CDS1: variants seen among roughly 807,000 people sequenced by gnomAD.
The protein encoded by CDS1 is phosphatidate cytidylyltransferase 1.
CDS1 carries 41 observed loss-of-function variants against 62.1 expected under a neutral mutation model. The ratio of observed to expected loss-of-function variants is 0.66; its 90% CI spans 0.51 to 0.86. The LOEUF is 0.86. Ranked by LOEUF, CDS1 falls within the 40% of genes least tolerant of loss-of-function variation. The probability of loss-of-function intolerance (pLI) is 0.00; values close to 1 mark genes in which losing one functional copy is unlikely to be tolerated. For synonymous variants in CDS1, 185 were observed against 192.6 expected, an observed-to-expected ratio of 0.96 and a Z score of 0.32; for missense variants, 470 against 550.1, an observed-to-expected ratio of 0.85 and a Z score of 1.46.
Position 84,635,239 on chromosome 4 carries a change from CTTTT to C in CDS1, c.723-12_723-9del. On this transcript the variant is annotated intron_variant, in intron 7 of 12. Coordinates refer to ENST00000295887, the MANE Select transcript of CDS1 (RefSeq NM_001263.4). ...ACTCAGGTGAACTTTTTTCTGCTGA[CTTTT>C]TTTTTTTTTTTTAAAAACAGGTTCC... 18 of 1,034,974 alleles carry C rather than the reference CTTTT, an allele frequency of 1.7e-5. No individual in the cohort carries two copies. Among genetic ancestry groups the C allele is most frequent in the Non-Finnish European group, 2.4e-5 (17 of 713,940 alleles). 64.1% of individuals were successfully genotyped at this position (1,034,974 alleles called of 1,614,324 possible). A position where few individuals can be genotyped will look rare whatever the true frequency, so the allele number is the denominator to read the frequency against.
chr4:84,606,057 T>C (rs2110048545), intron 2 of CDS1, among the ~76,000 whole-genome samples: 1 of 152,300 alleles, frequency 6.6e-6, no homozygotes, highest in African/African-American at 2.4e-5. Context: ...CTCGAGAAAC[T>C]TTTCTACAAA....
intron 3 of CDS1, among the ~76,000 whole-genome samples, chr4:84,614,417 A>C (rs1012669346): frequency 6.6e-6 from 1 of 152,198 alleles, no homozygotes; most frequent in Admixed American, 6.5e-5. Flanking sequence ...AAGTTATTCA[A>C]ATCATTGTGT....
intron 7 of CDS1, among the ~76,000 whole-genome samples, chr4:84,634,316 C>T (rs764606984): frequency 6.6e-6 from 1 of 152,070 alleles, no homozygotes; most frequent in African/African-American, 2.4e-5. Flanking sequence ...CTAGTAACTA[C>T]TGTGAAGAAA....
chr4:84,625,239 G>T (rs1723819982), intron 5 of CDS1, among the ~76,000 whole-genome samples: 1 of 152,080 alleles, frequency 6.6e-6, no homozygotes, highest in African/African-American at 2.4e-5. Context: ...TACACTCTTA[G>T]AATCACAGAA....
At chr4:84,646,108 GAAAA>G (rs1465204721) in intron 12 of CDS1, among the ~76,000 whole-genome samples, 3 of 152,276 alleles carry the variant, frequency 2.0e-5, no homozygotes, top group Admixed American at 1.3e-4. Flanking sequence ...CTGAGCTGTA[GAAAA>G]CATGGATTTC....
chr4:84,641,307 C>T (rs983845169), intron 10 of CDS1, among the ~76,000 whole-genome samples: 1 of 152,158 alleles, frequency 6.6e-6, no homozygotes, highest in African/African-American at 2.4e-5. Context: ...CTCAAGTGAT[C>T]CGCCTGCTTC....
intron 1 of CDS1, among the ~76,000 whole-genome samples, chr4:84,601,806 G>A (rs944106601): frequency 3.9e-5 from 6 of 152,100 alleles, no homozygotes; most frequent in Admixed American, 3.3e-4. Flanking sequence ...CCAGCAACAC[G>A]GGAGGCTGAG....
At chr4:84,642,492 C>G (rs763195011) in intron 10 of CDS1, among the ~76,000 whole-genome samples, 3 of 152,122 alleles carry the variant, frequency 2.0e-5, no homozygotes, top group Non-Finnish European at 4.4e-5. Context: ...TTATGATTGT[C>G]TCCCCAAATC....
At chr4:84,585,076 TA>T (rs1210882179) in intron 1 of CDS1, among the ~76,000 whole-genome samples, 1 of 152,246 alleles carries the variant, frequency 6.6e-6, no homozygotes, top group Non-Finnish European at 1.5e-5. Flanking sequence ...AAGCCATGCA[TA>T]AAATACCTTC....
At chr4:84,637,496 C>G (rs72662993) in intron 8 of CDS1, among the ~76,000 whole-genome samples, 25,366 of 151,994 alleles carry the variant, frequency 0.17, 2,451 homozygotes, top group South Asian at 0.36. Context: ...AACCAGATAT[C>G]ATGAGAACTC....
chr4:84,636,434 T>C (rs960768473), intron 8 of CDS1, among the ~76,000 whole-genome samples: 1 of 152,196 alleles, frequency 6.6e-6, no homozygotes, highest in African/African-American at 2.4e-5. Flanking sequence ...ATAGTTCTCA[T>C]TTGGGAGAAG....
chr4:84,629,034 C>G (rs188301375), intron 5 of CDS1, among the ~76,000 whole-genome samples: 64 of 152,128 alleles, frequency 4.2e-4, no homozygotes, highest in Non-Finnish European at 6.3e-4. Flanking sequence ...CTTTTCAGTA[C>G]TTTTATTTAT....
chr4:84,594,310 C>G (rs763365793), intron 1 of CDS1, among the ~76,000 whole-genome samples: 4 of 152,076 alleles, frequency 2.6e-5, no homozygotes, highest in Non-Finnish European at 4.4e-5. Context: ...CACGCAAGTT[C>G]TGGGAGGGTA....
chr4:84,609,398 G>A (rs371602581), intron 2 of CDS1, 31 bp from the exon 3 acceptor site: 32 of 1,397,452 alleles, frequency 2.3e-5, no homozygotes, highest in Non-Finnish European at 2.9e-5. Context: ...TTAAGAACAC[G>A]TTAAATACTA....
intron 1 of CDS1, among the ~76,000 whole-genome samples, chr4:84,586,206 G>A (rs1181800552): frequency 1.3e-5 from 2 of 152,168 alleles, no homozygotes; most frequent in Non-Finnish European, 2.9e-5. Context: ...CAGTTTTGTG[G>A]AAGACACTTT....
chr4:84,634,472 T>A (rs1724115931), intron 7 of CDS1, among the ~76,000 whole-genome samples: 2 of 152,110 alleles, frequency 1.3e-5, no homozygotes, highest in Non-Finnish European at 2.9e-5. Context: ...TTATAAAACT[T>A]ATTACTTAAA....
At chr4:84,607,189 G>C (rs1442445501) in intron 2 of CDS1, among the ~76,000 whole-genome samples, 2 of 152,148 alleles carry the variant, frequency 1.3e-5, no homozygotes, top group African/African-American at 4.8e-5. Context: ...TTTAGATCCT[G>C]TGTGTAGAAA....
intron 12 of CDS1, among the ~76,000 whole-genome samples, chr4:84,647,057 A>T (rs1242746190): frequency 1.3e-5 from 2 of 152,116 alleles, no homozygotes; most frequent in Non-Finnish European, 2.9e-5. Context: ...ACTGTGTTGA[A>T]TATTAAAATA....
Position 84,596,302 on chromosome 4 carries a change from C to G in CDS1, c.118-7941C>G, listed in dbSNP as rs958754148. On this transcript the variant is annotated intron_variant, in intron 1 of 12. Transcript: ENST00000295887. ...AGTGTCTTAAAATAATATAAACTTA[C>G]CTTACAGTTCTGGAGCTCAGAAGTC... is the stretch of plus-strand genomic sequence containing the variant. Among the ~76,000 whole-genome samples, 28 of 152,176 alleles carry G rather than the reference C, an allele frequency of 1.8e-4. 1 individual carries two copies. Among genetic ancestry groups the G allele is most frequent in the Admixed American group, 1.8e-3 (28 of 15,274 alleles).
Sources: allele counts gnomAD v4.1 joint callset (sites outside exome capture counted in the v4.1 genomes callset), GRCh38; gene constraint gnomAD v4.1.1; transcripts MANE v1.5; gene names NCBI Gene and HGNC (gene_info 2026-07-23, HGNC 2026-07-21).